ERICH3: variants seen among roughly 807,000 people sequenced by gnomAD.
ERICH3 encodes glutamate rich 3.
Under a neutral mutation model 131.1 loss-of-function variants are expected in ERICH3, and 126 were observed. The ratio of observed to expected loss-of-function variants is 0.96; its 90% confidence interval spans 0.83 to 1.11. The LOEUF (loss-of-function observed/expected upper bound fraction) is 1.11. Among genes scored for constraint, ERICH3 ranks in the 50% most tolerant of loss-of-function variants. ERICH3 has a pLI of 0.00. For synonymous variants in ERICH3, 695 were observed against 644.6 expected (o/e 1.08, Z -1.18); for missense variants, 2,050 against 1,810.7 (o/e 1.13, Z -2.40).
chr1:74,594,095 C>A (rs569365805), intron 11 of ERICH3, among the ~76,000 whole-genome samples: 1 of 152,080 alleles, frequency 6.6e-6, no homozygotes, highest in African/African-American at 2.4e-5. Flanking sequence ...TCAGAGTCCA[C>A]TTAAAATATT....
Position 74,573,277 on chromosome 1 carries a change from C to T in ERICH3, c.2433G>A (p.Ala811=), listed in dbSNP as rs541437663. Residue 811 remains alanine (A), a synonymous_variant, in exon 14 of 15, where the codon GCG becomes GCA. Coordinates refer to ENST00000326665, the MANE Select transcript of ERICH3 (RefSeq NM_001002912.5). ...AGAVHEAPLR[A]WKPTAEQPEL... ...CTGGCTGCTCTGCTGTTGGCTTCCA[C>T]GCCCTCAAGGGAGCCTCATGAACAG... 12 of 1,598,810 alleles carry T rather than the reference C, an allele frequency of 7.5e-6. No individual in the cohort carries two copies. Among genetic ancestry groups the T allele is most frequent in the East Asian group, 6.7e-5 (3 of 44,850 alleles).
In ERICH3 at chr1:74,571,436, T is replaced by C. The variant is rs2100498510; in HGVS notation, c.4274A>G (p.Tyr1425Cys). The C allele has an allele frequency of 1.2e-6, 2 of 1,614,022 alleles. No homozygotes were observed. The highest frequency in any genetic ancestry group is 1.7e-6 in the Non-Finnish European group (2 of 1,179,984). ...VPAAEEMTVT[Y>C]TTEAGVGTPG... is the part of the protein sequence containing the mutation. Reference sequence around the variant, plus strand: ...AGTGCCCACCCCAGCCTCTGTTGTATATGTCACTGTCATCTCCTCTGCTGC... The same window carrying C: ...AGTGCCCACCCCAGCCTCTGTTGTACATGTCACTGTCATCTCCTCTGCTGC... Residue 1425 changes from tyrosine (Y) to cysteine (C), a missense_variant, in exon 14 of 15, where the codon TAT (tyrosine) becomes TGT (cysteine). Transcript: ENST00000326665.
intron 1 of ERICH3, among the ~76,000 whole-genome samples, chr1:74,666,170 C>T (rs1341021675): frequency 1.3e-5 from 2 of 152,018 alleles, no homozygotes; most frequent in African/African-American, 4.8e-5. Context: ...ATGGGGAAAC[C>T]ATGCTTTTAC....
At chr1:74,672,507 G>A (rs993835116) in intron 1 of ERICH3, among the ~76,000 whole-genome samples, 1 of 152,104 alleles carries the variant, frequency 6.6e-6, no homozygotes, top group South Asian at 2.1e-4. Flanking sequence ...AAATCTTGAA[G>A]TTTGGGTATA....
chr1:74,664,320 A>G (rs898196679), intron 1 of ERICH3, among the ~76,000 whole-genome samples: 1 of 151,986 alleles, frequency 6.6e-6, no homozygotes, highest in Non-Finnish European at 1.5e-5. Flanking sequence ...TAAAAAAAAA[A>G]AAAACTTGTA....
chr1:74,607,217 G>A (rs1425777044), intron 9 of ERICH3, among the ~76,000 whole-genome samples: 1 of 151,810 alleles, frequency 6.6e-6, no homozygotes, highest in African/African-American at 2.4e-5. Context: ...TATATTTTTG[G>A]TCCTGAACAG....
intron 4 of ERICH3, among the ~76,000 whole-genome samples, chr1:74,642,160 A>T (rs553866251): frequency 7.9e-5 from 12 of 152,254 alleles, no homozygotes; most frequent in African/African-American, 2.9e-4. Context: ...TCTACACACC[A>T]ACTCTTTGAT....
chr1:74,621,351 G>C (rs557150379), intron 7 of ERICH3: 2 of 152,696 alleles, frequency 1.3e-5, no homozygotes, highest in East Asian at 3.9e-4. Flanking sequence ...AACTGACTTA[G>C]AGATTTAGCA....
At chr1:74,617,170 C>CAAAAAAAAAA (rs1649003649) in intron 8 of ERICH3, among the ~76,000 whole-genome samples, 1 of 62,970 alleles carries the variant, frequency 1.6e-5, no homozygotes, top group Non-Finnish European at 3.1e-5. Flanking sequence ...CAACAAAAAA[C>CAAAAAAAAAA]AAACAAAAAA....
At chr1:74,577,191 A>C in intron 12 of ERICH3, 1 of 362,220 alleles carries the variant, frequency 2.8e-6, no homozygotes, top group Non-Finnish European at 4.9e-6. Context: ...TTAGCTGTGA[A>C]GCTCTCCTTA....
At chr1:74,605,023 A>T (rs1477089765) in intron 10 of ERICH3, among the ~76,000 whole-genome samples, 1 of 151,920 alleles carries the variant, frequency 6.6e-6, no homozygotes, top group Admixed American at 6.6e-5. Context: ...TACACTGAAG[A>T]CCTGCTGTTT....
At chr1:74,667,458 A>G (rs696119) in intron 1 of ERICH3, among the ~76,000 whole-genome samples, 85,799 of 152,048 alleles carry the variant, frequency 0.56, 25,111 homozygotes, top group East Asian at 0.97. Flanking sequence ...TCTGCACACC[A>G]CTTCTCTTGG....
At chr1:74,611,477 G>C (rs770120700) in intron 9 of ERICH3, among the ~76,000 whole-genome samples, 3 of 151,964 alleles carry the variant, frequency 2.0e-5, no homozygotes, top group African/African-American at 4.8e-5. Flanking sequence ...TTTCCCATAA[G>C]AGTTACTATT....
At chr1:74,642,525 AAAAC>A (rs930652799) in intron 4 of ERICH3, among the ~76,000 whole-genome samples, 18 of 152,286 alleles carry the variant, frequency 1.2e-4, no homozygotes, top group Non-Finnish European at 1.6e-4. Context: ...TAAAAAATAG[AAAAC>A]AAACAAAGAA....
At chr1:74,581,112 T>C (rs1647170142) in intron 12 of ERICH3, among the ~76,000 whole-genome samples, 1 of 152,204 alleles carries the variant, frequency 6.6e-6, no homozygotes, top group Admixed American at 6.6e-5. Flanking sequence ...ATTAATGAAT[T>C]TTTTTCAAAT....
chr1:74,602,378 C>A (rs1186534796), intron 10 of ERICH3, among the ~76,000 whole-genome samples: 1 of 151,904 alleles, frequency 6.6e-6, no homozygotes, highest in Admixed American at 6.6e-5. Flanking sequence ...TACGAATAAG[C>A]CAGCGACATG....
intron 12 of ERICH3, chr1:74,579,624 T>C (rs1309434580): frequency 1.0e-6 from 1 of 985,314 alleles, no homozygotes; most frequent in Non-Finnish European, 1.2e-6. Context: ...TGGTCGTTTT[T>C]TCTCAGATGT....
Position 74,646,915 on chromosome 1 carries a change from CAGAG to C in ERICH3, c.118-127_118-124del, listed in dbSNP as rs1261279874. On this transcript the variant is annotated intron_variant, in intron 2 of 14. Transcript: ENST00000326665. ...ACACACACACACACACACACACACACAGAGAGAGAAAGAGAGAGAGAGAGGCATT... is the reference window on the plus strand; with the variant it reads ...ACACACACACACACACACACACACACAGAGAAAGAGAGAGAGAGAGGCATT... 1.6e-5 allele frequency: 4 copies of C among 251,036 alleles called. No individual in the cohort carries two copies. The South Asian group carries it at 6.1e-4, about 38-fold the overall frequency. The allele number at this position is 251,036 out of a possible 1,614,324, so 15.6% of individuals were successfully genotyped here.
chr1:74,601,947 T>C (rs182188179), intron 10 of ERICH3, among the ~76,000 whole-genome samples: 2 of 152,010 alleles, frequency 1.3e-5, no homozygotes, highest in East Asian at 3.9e-4. Context: ...GTGCCATGAA[T>C]ATCAGGGGCA....
Sources: allele counts gnomAD v4.1 joint callset (sites outside exome capture counted in the v4.1 genomes callset), GRCh38; gene constraint gnomAD v4.1.1; transcripts MANE v1.5; gene names NCBI Gene and HGNC (gene_info 2026-07-23, HGNC 2026-07-21).